Variants in TLK1 observed in about 807,000 individuals in gnomAD.
The protein encoded by TLK1 is tousled like kinase 1.
TLK1 carries 24 observed loss-of-function variants against 105.3 expected under a neutral mutation model. The observed-to-expected ratio is 0.23, with a 90% CI of 0.17 to 0.32. The LOEUF is 0.32. TLK1 is among the 10% of genes least tolerant of loss of function. The probability of loss-of-function intolerance (pLI) is 1.00; values close to 1 mark genes in which losing one functional copy is unlikely to be tolerated. For synonymous variants in TLK1, 321 were observed against 310.4 expected (o/e 1.03, Z -0.36); for missense variants, 558 against 910.5 (o/e 0.61, Z 4.98).
intron 2 of TLK1, among the ~76,000 whole-genome samples, chr2:171,114,087 T>C (rs1026010677): frequency 3.3e-5 from 5 of 152,230 alleles, no homozygotes; most frequent in African/African-American, 9.6e-5. Context: ...TATGGAATCT[T>C]ACATATCTTA....
chr2:171,040,932 C>A (rs10930452), intron 11 of TLK1, among the ~76,000 whole-genome samples: 139,602 of 152,164 alleles, frequency 0.92, 65,138 homozygotes, highest in East Asian at 1. Flanking sequence ...ATGACCTGTC[C>A]AACTTCAATA....
intron 2 of TLK1, among the ~76,000 whole-genome samples, chr2:171,103,101 C>T (rs758361586): frequency 1.6e-4 from 25 of 151,704 alleles, no homozygotes; most frequent in Admixed American, 1.6e-3. Context: ...TAATAACTGC[C>T]GTGGTGGGGC....
At chr2:171,230,323 T>A (rs1474197503) in intron 1 of TLK1, among the ~76,000 whole-genome samples, 1 of 152,212 alleles carries the variant, frequency 6.6e-6, no homozygotes, top group African/African-American at 2.4e-5. Context: ...TAGCTCCAGA[T>A]ACTGCCCATT....
intron 14 of TLK1, among the ~76,000 whole-genome samples, chr2:171,008,939 C>A (rs1007468587): frequency 3.3e-5 from 5 of 152,206 alleles, no homozygotes; most frequent in African/African-American, 1.2e-4. Context: ...AACTTTTAGG[C>A]CACGCTAATG....
intron 2 of TLK1, among the ~76,000 whole-genome samples, chr2:171,099,260 A>G (rs1422237112): frequency 6.6e-6 from 1 of 152,180 alleles, no homozygotes; most frequent in Non-Finnish European, 1.5e-5. Flanking sequence ...TTCATTTACA[A>G]TACTATCAAA....
At chr2:171,050,396 T>C (rs1687179770) in intron 8 of TLK1, among the ~76,000 whole-genome samples, 1 of 152,088 alleles carries the variant, frequency 6.6e-6, no homozygotes, top group African/African-American at 2.4e-5. Flanking sequence ...TTTGTATCCA[T>C]ATCCATACAT....
Position 171,160,175 on chromosome 2 carries a change from C to T in TLK1, c.139+115G>A. 1 of 1,165,524 alleles carries T rather than the reference C, an allele frequency of 8.6e-7. No homozygotes were observed. The highest frequency in any genetic ancestry group is 1.1e-6 in the Non-Finnish European group (1 of 922,692). 72.2% of individuals were successfully genotyped at this position (1,165,524 alleles called of 1,614,324 possible). A position where few individuals can be genotyped will look rare whatever the true frequency, so the allele number is the denominator to read the frequency against. On this transcript the variant is annotated intron_variant, in intron 1 of 20. Transcript: ENST00000431350. This position sits in a 1 kb window ranked among gnomAD's most constrained non-coding sequence, Gnocchi z 4.4. The stretch of plus-strand genomic sequence containing the variant: ...CCTCGCGTCCACCTCGCCACCATCC[C>T]CCACCCCAGGGTCTGGCGGAGAAGC...
chr2:171,189,357 G>A (rs1447390416), intron 1 of TLK1, among the ~76,000 whole-genome samples: 4 of 151,936 alleles, frequency 2.6e-5, no homozygotes, highest in East Asian at 1.9e-4. Context: ...TAGTAGAGAC[G>A]GGTTTCACTG....
At chr2:171,116,701 A>C (rs13419493) in intron 2 of TLK1, among the ~76,000 whole-genome samples, 2,402 of 104,386 alleles carry the variant, frequency 0.023, 68 homozygotes, top group African/African-American at 0.094. Flanking sequence ...CTCCCTCAAA[A>C]AAAAAAAAAA....
intron 14 of TLK1, 148 bp from the exon 15 acceptor site, chr2:171,007,211 T>C (rs182143944): frequency 5.6e-6 from 3 of 536,586 alleles, no homozygotes; most frequent in Non-Finnish European, 9.8e-6. Context: ...AGACTATATA[T>C]AGCTCAATGA....
At chr2:171,217,112 G>A (rs899230918) in intron 1 of TLK1, among the ~76,000 whole-genome samples, 1 of 152,142 alleles carries the variant, frequency 6.6e-6, no homozygotes, top group Non-Finnish European at 1.5e-5. Context: ...CACAGAACAG[G>A]AGTCCCACTT....
intron 12 of TLK1, among the ~76,000 whole-genome samples, chr2:171,017,451 T>C (rs1200412733): frequency 2.0e-5 from 3 of 152,188 alleles, no homozygotes; most frequent in African/African-American, 7.2e-5. Context: ...TTATTTGAAA[T>C]TGTGGCATGG....
intron 1 of TLK1, among the ~76,000 whole-genome samples, chr2:171,131,583 A>G (rs944681144): frequency 3.3e-5 from 5 of 152,204 alleles, no homozygotes; most frequent in Non-Finnish European, 5.9e-5. Flanking sequence ...TTCTGACTTC[A>G]TATTTCTTCA....
intron 1 of TLK1, among the ~76,000 whole-genome samples, chr2:171,227,581 T>TTG (rs1693923548): frequency 7.4e-6 from 1 of 134,636 alleles, no homozygotes; most frequent in Admixed American, 7.5e-5. Context: ...TTTTTTTTTT[T>TTG]TTTTTTTTTT....
intron 18 of TLK1, among the ~76,000 whole-genome samples, chr2:171,001,432 G>A (rs1193081871): frequency 2.0e-5 from 3 of 152,080 alleles, no homozygotes; most frequent in Non-Finnish European, 4.4e-5. Flanking sequence ...CTGACTTCAG[G>A]GATAAAGCAC....
At chr2:171,127,942 A>G (rs1690938975) in intron 1 of TLK1, among the ~76,000 whole-genome samples, 1 of 152,106 alleles carries the variant, frequency 6.6e-6, no homozygotes, top group African/African-American at 2.4e-5. Flanking sequence ...ATTTCACCCA[A>G]ATGTCTGACA....
intron 14 of TLK1, among the ~76,000 whole-genome samples, chr2:171,010,353 T>C (rs752224613): frequency 5.9e-5 from 9 of 152,032 alleles, no homozygotes; most frequent in Non-Finnish European, 8.8e-5. Flanking sequence ...TTAAAAGACA[T>C]TTTAGAGGAG....
intron 1 of TLK1, among the ~76,000 whole-genome samples, chr2:171,128,536 T>C (rs1690963251): frequency 6.6e-6 from 1 of 152,180 alleles, no homozygotes; most frequent in African/African-American, 2.4e-5. Context: ...CAATAAATAT[T>C]AGCATATATA....
At chr2:171,128,868 T>A (rs112857103) in intron 1 of TLK1, among the ~76,000 whole-genome samples, 1 of 152,276 alleles carries the variant, frequency 6.6e-6, no homozygotes, top group African/African-American at 2.4e-5. Flanking sequence ...AATAAAGAAA[T>A]TGAGACACTG....
Sources: allele counts gnomAD v4.1 joint callset (sites outside exome capture counted in the v4.1 genomes callset), GRCh38; gene constraint gnomAD v4.1.1; non-coding constraint Gnocchi (gnomAD v3.1); transcripts MANE v1.5; gene names NCBI Gene and HGNC (gene_info 2026-07-23, HGNC 2026-07-21).